Variants in PLA2R1 observed in about 807,000 individuals in gnomAD.
PLA2R1 encodes phospholipase A2 receptor 1, also known as secretory phospholipase A2 receptor.
Under a neutral mutation model 195.9 loss-of-function variants are expected in PLA2R1, and 158 were observed. The observed-to-expected ratio is 0.81, with a 90% CI of 0.71 to 0.92. PLA2R1 has a LOEUF of 0.92. Among genes scored for constraint, PLA2R1 ranks in the 40% least tolerant of loss-of-function variants. The pLI is 0.00. For synonymous variants in PLA2R1, 586 were observed against 598.2 expected, an observed-to-expected ratio of 0.98 and a Z score of 0.30; for missense variants, 1,626 against 1,764.6, an observed-to-expected ratio of 0.92 and a Z score of 1.41.
In PLA2R1 at chr2:159,933,316, C is replaced by T. The variant is rs561397685; in HGVS notation, c.*8462G>A. 9 of 152,270 alleles carry T rather than the reference C, an allele frequency of 5.9e-5. No individual in the cohort carries two copies. The East Asian group carries it at 1.5e-3, about 26-fold the overall frequency. The allele number at this position is 152,270 out of a possible 1,614,324, so 9.4% of individuals were successfully genotyped here. On this transcript the variant is annotated 3_prime_UTR_variant, in exon 30 of 30. Coordinates refer to ENST00000283243, the MANE Select transcript of PLA2R1 (RefSeq NM_007366.5). ...TATTAGAGGAACATGCAGATTTTCA[C>T]TTTTTTAAATCCAGAATTTCAGATT...
intron 19 of PLA2R1, among the ~76,000 whole-genome samples, chr2:159,968,121 A>C (rs926748286): frequency 6.6e-6 from 1 of 152,180 alleles, no homozygotes; most frequent in Non-Finnish European, 1.5e-5. Context: ...TAACTCAAGA[A>C]CTTCCAAGAA....
intron 7 of PLA2R1, among the ~76,000 whole-genome samples, chr2:160,022,186 G>A (rs1558946600): frequency 1.3e-5 from 2 of 152,206 alleles, no homozygotes; most frequent in Non-Finnish European, 2.9e-5. Context: ...GACTCAGGCT[G>A]TGCGGAAGCC....
intron 21 of PLA2R1, 148 bp downstream of exon 21, chr2:159,956,362 T>C (rs1688085668): frequency 4.9e-6 from 3 of 611,860 alleles, no homozygotes; most frequent in African/African-American, 1.8e-5. Flanking sequence ...AAATAAAACC[T>C]ATGGGTCAAA....
chr2:159,987,473 G>T, intron 11 of PLA2R1, 115 bp from the exon 12 acceptor site: 1 of 688,930 alleles, frequency 1.5e-6, no homozygotes, highest in Non-Finnish European at 2.5e-6. Flanking sequence ...ACCCAGACAA[G>T]AGCAATCAAG....
In PLA2R1 at chr2:159,938,257, C is replaced by T. The variant is rs1686924837; in HGVS notation, c.*3521G>A. 6.6e-6 allele frequency: 1 copy of T among 152,198 alleles called. No homozygotes were observed. The highest frequency in any genetic ancestry group is 2.1e-4 in the South Asian group (1 of 4,826). 9.4% of individuals were successfully genotyped at this position (152,198 alleles called of 1,614,324 possible). A position where few individuals can be genotyped will look rare whatever the true frequency, so the allele number is the denominator to read the frequency against. Reference sequence around the variant, plus strand: ...CAGATTGGAGGCCCATGGAGGACTCCAGGCCTTAGGAGACAGAGGGCTGGC... The same window carrying T: ...CAGATTGGAGGCCCATGGAGGACTCTAGGCCTTAGGAGACAGAGGGCTGGC... On this transcript the variant is annotated 3_prime_UTR_variant, in exon 30 of 30. Transcript: ENST00000283243.
intron 11 of PLA2R1, among the ~76,000 whole-genome samples, chr2:159,989,740 G>T (rs553137268): frequency 6.6e-6 from 1 of 152,294 alleles, no homozygotes; most frequent in African/African-American, 2.4e-5. Flanking sequence ...TTATGCTTAT[G>T]GCCATTTTCA....
intron 8 of PLA2R1, among the ~76,000 whole-genome samples, chr2:160,018,865 T>C (rs1404125647): frequency 1.3e-5 from 2 of 152,248 alleles, no homozygotes; most frequent in Non-Finnish European, 2.9e-5. Context: ...AAATGCTTCC[T>C]GTTTTGCTGG....
chr2:160,062,521 C>G lies in PLA2R1; in HGVS notation c.-118G>C, dbSNP rs544854585. ...GCGGAAGCGGATCCGTAGCCTCCTC[C>G]GCGCCCCACCCCCTCCGGGGGCCTT... On this transcript the variant is annotated 5_prime_UTR_variant, in exon 1 of 30. Coordinates refer to ENST00000283243, the MANE Select transcript of PLA2R1 (RefSeq NM_007366.5). 115 of 1,271,218 alleles carry G rather than the reference C, an allele frequency of 9.0e-5. No individual in the cohort carries two copies. In the South Asian group the frequency reaches 1.8e-3, roughly 19 times the overall value. The allele number at this position is 1,271,218 out of a possible 1,614,324, so 78.7% of individuals were successfully genotyped here. A position where few individuals can be genotyped will look rare whatever the true frequency, so the allele number is the denominator to read the frequency against.
chr2:160,027,419 T>C (rs1423000536), intron 6 of PLA2R1, among the ~76,000 whole-genome samples: 1 of 152,174 alleles, frequency 6.6e-6, no homozygotes, highest in Non-Finnish European at 1.5e-5. Flanking sequence ...TGGAAAAATC[T>C]CTACATAAAA....
At position 159,933,175 on chromosome 2, in the gene PLA2R1, A is replaced by C. The variant is rs1686660358; in HGVS notation, c.*8603T>G. ...TCTAAATTACAGCAAAGTGCTCTGCAAGAAACAAGTGCTTGTGTTAATTAA... is the reference window on the plus strand; with the variant it reads ...TCTAAATTACAGCAAAGTGCTCTGCCAGAAACAAGTGCTTGTGTTAATTAA... On this transcript the variant is annotated 3_prime_UTR_variant, in exon 30 of 30. Transcript: ENST00000283243. The C allele has an allele frequency of 6.6e-6, 1 of 152,222 alleles. No homozygotes were observed. Among genetic ancestry groups the C allele is most frequent in the African/African-American group, 2.4e-5 (1 of 41,450 alleles). The allele number at this position is 152,222 out of a possible 1,614,324, so 9.4% of individuals were successfully genotyped here.
Position 160,028,875 on chromosome 2 carries a change from C to T in PLA2R1, c.930G>A (p.Pro310=), listed in dbSNP as rs376654015. The T allele has an allele frequency of 1.9e-5, 31 of 1,611,118 alleles. No homozygotes were observed. The highest frequency in any genetic ancestry group is 2.5e-5 in the Non-Finnish European group (30 of 1,177,350). Residue 310 remains proline, a synonymous_variant, in exon 5 of 30, where the codon CCG becomes CCA. Transcript: ENST00000283243. ...HAGWQWSDGT[P]LNYLNWSPEV... is the part of the protein sequence containing the mutation. ...CTGGGCTCCAATTCAGATAGTTGAG[C>T]GGCGTTCCATCAGACCACTGCCAGC...
At chr2:160,035,986 G>C (rs1232078788) in intron 3 of PLA2R1, among the ~76,000 whole-genome samples, 1 of 152,118 alleles carries the variant, frequency 6.6e-6, no homozygotes, top group Non-Finnish European at 1.5e-5. Context: ...CCCATGCCTG[G>C]CTACCCTTAT....
At chr2:160,025,969 G>A (rs570378419) in intron 6 of PLA2R1, among the ~76,000 whole-genome samples, 2 of 152,320 alleles carry the variant, frequency 1.3e-5, no homozygotes, top group East Asian at 3.9e-4. Context: ...TATAGTTAAT[G>A]TAGTGTATTC....
chr2:159,978,460 T>C (rs2105282952), intron 14 of PLA2R1, among the ~76,000 whole-genome samples: 1 of 152,224 alleles, frequency 6.6e-6, no homozygotes, highest in East Asian at 1.9e-4. Context: ...GTGATTTGAA[T>C]TCATTTTGTC....
intron 17 of PLA2R1, among the ~76,000 whole-genome samples, chr2:159,974,198 G>A (rs187709842): frequency 6.6e-6 from 1 of 151,950 alleles, no homozygotes; most frequent in East Asian, 1.9e-4. Flanking sequence ...TAATGAAGAC[G>A]TTGTGCTCTT....
At chr2:159,958,915 C>T (rs1688269493) in intron 20 of PLA2R1, among the ~76,000 whole-genome samples, 1 of 152,302 alleles carries the variant, frequency 6.6e-6, no homozygotes, top group East Asian at 1.9e-4. Flanking sequence ...AAACTCAGTC[C>T]TGATCATGTC....
At chr2:160,045,211 G>A (rs972616687) in intron 1 of PLA2R1, 54 bp from the exon 2 acceptor site, 38 of 1,366,868 alleles carry the variant, frequency 2.8e-5, no homozygotes, top group South Asian at 1.7e-4. Flanking sequence ...ATTAACTAGC[G>A]TCATGAGGAT....
intron 25 of PLA2R1, among the ~76,000 whole-genome samples, chr2:159,948,701 G>T (rs1027167589): frequency 6.7e-6 from 1 of 149,552 alleles, no homozygotes; most frequent in Non-Finnish European, 1.5e-5. Context: ...AGTTTTAGAA[G>T]TAGAATTAGC....
chr2:159,983,940 G>T lies in PLA2R1; in HGVS notation c.2171C>A (p.Ser724Ter). The T allele has an allele frequency of 6.4e-7, 1 of 1,571,752 alleles. No individual in the cohort carries two copies. Among genetic ancestry groups the T allele is most frequent in the Non-Finnish European group, 8.7e-7 (1 of 1,147,310 alleles). The change falls in exon 13 of 30, where the codon TCA (serine) becomes TAA (stop). Residue 724 changes from serine to a stop codon, truncating the protein, a stop_gained. Coordinates refer to ENST00000283243, the MANE Select transcript of PLA2R1 (RefSeq NM_007366.5). LOFTEE classifies it high-confidence loss of function. ...AACAAGTATTTACCAATTAAATTTT[G>T]AATGTAAGAGCTCATTCACAAAATT... ...EENFVNELLH[S>*]KFNWTEERQF... is the part of the protein sequence containing the mutation.
Sources: allele counts gnomAD v4.1 joint callset (sites outside exome capture counted in the v4.1 genomes callset), GRCh38; gene constraint gnomAD v4.1.1; transcripts MANE v1.5; gene names NCBI Gene and HGNC (gene_info 2026-07-23, HGNC 2026-07-21).